CNTRL: variants seen among roughly 807,000 people sequenced by gnomAD.
CNTRL encodes centriolin.
A neutral mutation model predicts 303.7 loss-of-function variants in CNTRL; 233 were observed. That is an observed-to-expected ratio of 0.77 (90% CI 0.69 to 0.86). The LOEUF (loss-of-function observed/expected upper bound fraction) is 0.86, where lower values mean the gene tolerates loss of function less well. CNTRL is among the 40% of genes least tolerant of loss of function. CNTRL has a pLI of 0.00. For synonymous variants in CNTRL, 900 were observed against 922.2 expected, an observed-to-expected ratio of 0.98 and a Z score of 0.44; for missense variants, 2,524 against 2,650.6, an observed-to-expected ratio of 0.95 and a Z score of 1.05.
At chr9:121,152,932 CT>C (rs1313283019) in intron 26 of CNTRL, among the ~76,000 whole-genome samples, 1 of 152,168 alleles carries the variant, frequency 6.6e-6, no homozygotes. Flanking sequence ...GGTCTGAGTT[CT>C]TTTGGCCAAT....
chr9:121,097,556 T>C (rs1588091009), intron 6 of CNTRL, among the ~76,000 whole-genome samples: 1 of 147,896 alleles, frequency 6.8e-6, no homozygotes, highest in East Asian at 2.1e-4. Context: ...TAACAATACC[T>C]ATGCTTTCTA....
chr9:121,084,386 A>G lies in CNTRL; in HGVS notation c.-32+3908A>G, dbSNP rs562689133. On this transcript the variant is annotated intron_variant, in intron 2 of 43. Coordinates refer to ENST00000373855, the MANE Select transcript of CNTRL (RefSeq NM_007018.6). ...GCAGACATTTTTTGTTGAGATACTA[A>G]CTAGTACATTTTACATTTTATGTTA... Among the ~76,000 whole-genome samples, 146 of 152,252 alleles carry G rather than the reference A, an allele frequency of 9.6e-4. 1 individual carries two copies. Among genetic ancestry groups the G allele is most frequent in the South Asian group, 3.3e-3 (16 of 4,822 alleles).
intron 10 of CNTRL, among the ~76,000 whole-genome samples, chr9:121,114,349 C>A (rs1351077291): frequency 6.6e-6 from 1 of 152,156 alleles, no homozygotes; most frequent in Non-Finnish European, 1.5e-5. Flanking sequence ...TGTGCATCCC[C>A]CCAGCATTAT....
intron 21 of CNTRL, 60 bp downstream of exon 21, chr9:121,145,019 A>G: frequency 7.1e-7 from 1 of 1,404,282 alleles, no homozygotes; most frequent in Non-Finnish European, 1.0e-6. Flanking sequence ...CCTAAAAGAC[A>G]AAATTACTGT....
At chr9:121,085,307 T>C (rs1017546760) in intron 2 of CNTRL, among the ~76,000 whole-genome samples, 4 of 152,232 alleles carry the variant, frequency 2.6e-5, no homozygotes, top group Non-Finnish European at 5.9e-5. Context: ...ATATTCTGTT[T>C]CTTTACCTGG....
chr9:121,075,846 G>A (rs542263125), intron 1 of CNTRL, among the ~76,000 whole-genome samples: 1 of 152,230 alleles, frequency 6.6e-6, no homozygotes, highest in Non-Finnish European at 1.5e-5. Context: ...CTGAGGACCA[G>A]AGAGGTTAAG....
rs1201071197 is a variant in CNTRL, at chr9:121,169,795, C to T, written c.6255C>T (p.Ser2085=). The T allele has an allele frequency of 6.2e-7, 1 of 1,614,002 alleles. No homozygotes were observed. The highest frequency in any genetic ancestry group is 8.5e-7 in the Non-Finnish European group (1 of 1,179,914). The change falls in exon 39 of 44, where the codon AGC becomes AGT. Residue 2085 remains serine (S), a synonymous_variant. Coordinates refer to ENST00000373855, the MANE Select transcript of CNTRL (RefSeq NM_007018.6). ...SLKEALKIQR[S]QLEKNLLEQK... ...AGGAAGCACTTAAGATCCAGCGGAGCCAGCTGGAGAAAAACCTTCTTGTGA... is the reference window on the plus strand; with the variant it reads ...AGGAAGCACTTAAGATCCAGCGGAGTCAGCTGGAGAAAAACCTTCTTGTGA...
At chr9:121,144,323 A>G (rs1013056036) in intron 20 of CNTRL, among the ~76,000 whole-genome samples, 2 of 152,170 alleles carry the variant, frequency 1.3e-5, no homozygotes, top group African/African-American at 4.8e-5. Context: ...TAAACATGCT[A>G]TCCCTACCTT....
At chr9:121,104,521 TAAAA>T (rs891738271) in intron 7 of CNTRL, among the ~76,000 whole-genome samples, 4 of 148,354 alleles carry the variant, frequency 2.7e-5, no homozygotes, top group South Asian at 2.1e-4. Context: ...AAAGTATAAT[TAAAA>T]AAAAGAAAAG....
intron 25 of CNTRL, among the ~76,000 whole-genome samples, chr9:121,151,534 G>T (rs1385044839): frequency 6.6e-6 from 1 of 151,628 alleles, no homozygotes; most frequent in Non-Finnish European, 1.5e-5. Context: ...GGGATTAGAG[G>T]CATACGCCAC....
In CNTRL at chr9:121,088,410, C is replaced by A; in HGVS notation, c.84C>A (p.Ser28=). The part of the protein sequence containing the change: ...SSHSPIPSSM[S]NMRSRSLSPL... ...ACTCTCCTATCCCATCATCTATGTC[C>A]AATATGAGATCTAGGTCACTTTCAC... The change falls in exon 3 of 44, where the codon TCC becomes TCA. Residue 28 remains serine (S), a synonymous_variant. Transcript: ENST00000373855. 6.2e-7 allele frequency: 1 copy of A among 1,611,778 alleles called. No individual in the cohort carries two copies. The highest frequency in any genetic ancestry group is 1.3e-5 in the African/African-American group (1 of 74,970).
intron 14 of CNTRL, 28 bp downstream of exon 14, chr9:121,125,964 G>T (rs10760150): frequency 0.72 from 1,139,189 of 1,583,950 alleles, 413,996 homozygotes; most frequent in East Asian, 0.96. Flanking sequence ...CCTATTTTCC[G>T]TAGCTTCATA....
At chr9:121,157,652 T>G in intron 28 of CNTRL, 52 bp downstream of exon 28, 1 of 1,605,784 alleles carries the variant, frequency 6.2e-7, no homozygotes, top group Non-Finnish European at 8.5e-7. Context: ...AATGAAAAGT[T>G]TGCTTCTAAG....
At chr9:121,171,725 T>C (rs1472497631) in intron 40 of CNTRL, 177 bp downstream of exon 40, 8 of 484,534 alleles carry the variant, frequency 1.7e-5, no homozygotes, top group Non-Finnish European at 2.1e-5. Flanking sequence ...ACCTTGACTA[T>C]TAAAAATATA....
Position 121,162,085 on chromosome 9 carries a change from T to C in CNTRL, c.5237T>C (p.Ile1746Thr). The change falls in exon 34 of 44, where the codon ATA becomes ACA. Residue 1746 changes from isoleucine to threonine, a missense_variant. Physicochemically the swap from Ile to Thr is moderately conservative, Grantham distance 89. Transcript: ENST00000373855. ...EKLELENLQQ[I>T]SQQQKGEIEW... The stretch of plus-strand genomic sequence containing the variant: ...CTGGAGTTAGAGAATTTGCAGCAGA[T>C]ATCCCAGCAGCAGAAAGGGGAAATA... The C allele has an allele frequency of 6.2e-7, 1 of 1,614,174 alleles. No individual in the cohort carries two copies. Among genetic ancestry groups the C allele is most frequent in the Non-Finnish European group, 8.5e-7 (1 of 1,180,018 alleles).
chr9:121,076,262 A>G (rs1056855727), intron 1 of CNTRL, among the ~76,000 whole-genome samples: 3 of 152,234 alleles, frequency 2.0e-5, no homozygotes, highest in Non-Finnish European at 2.9e-5. Context: ...TTCTTCCTAC[A>G]TAAAAGTTGC....
intron 12 of CNTRL, among the ~76,000 whole-genome samples, chr9:121,120,602 T>G (rs1412915301): frequency 6.6e-6 from 1 of 152,178 alleles, no homozygotes; most frequent in East Asian, 1.9e-4. Flanking sequence ...AGCTTATAGA[T>G]CCTACCCAAA....
At chr9:121,106,194 C>T (rs2049459374) in intron 7 of CNTRL, among the ~76,000 whole-genome samples, 1 of 151,910 alleles carries the variant, frequency 6.6e-6, no homozygotes, top group African/African-American at 2.4e-5. Flanking sequence ...CAAAAATTAG[C>T]TGGGTGTGGT....
chr9:121,125,879 C>T lies in CNTRL; in HGVS notation c.1968C>T (p.Val656=), dbSNP rs140826381. 3 of 1,614,078 alleles carry T rather than the reference C, an allele frequency of 1.9e-6. No individual in the cohort carries two copies. The highest frequency in any genetic ancestry group is 2.5e-6 in the Non-Finnish European group (3 of 1,180,020). The stretch of plus-strand genomic sequence containing the variant: ...CATTGTTGCAGAGATTGACAGAAGT[C>T]GAGCAGGAGAGAGACCAGCTGGAAA... ...KETLLQRLTE[V]EQERDQLEIV... is the part of the protein sequence containing the mutation. Residue 656 remains valine, a synonymous_variant, in exon 14 of 44, where the codon GTC becomes GTT. Transcript: ENST00000373855.
Sources: gnomAD v4.1 joint callset for allele counts (sites outside exome capture counted in the v4.1 genomes callset) on GRCh38, gnomAD v4.1.1 for gene constraint, MANE v1.5 for transcripts, NCBI Gene and HGNC (gene_info 2026-07-23, HGNC 2026-07-21) for gene names.